INPP4B: variants seen among roughly 807,000 people sequenced by gnomAD.
INPP4B encodes inositol polyphosphate 4-phosphatase type II.
A neutral mutation model predicts 122.5 loss-of-function variants in INPP4B; 55 were observed. That is an observed-to-expected ratio of 0.45 (90% CI 0.36 to 0.56). The LOEUF (loss-of-function observed/expected upper bound fraction) is 0.56. Ranked by LOEUF, INPP4B falls within the 20% of genes least tolerant of loss-of-function variation. The pLI is 0.00. For synonymous variants in INPP4B, 403 were observed against 388.7 expected (o/e 1.04, Z -0.43); for missense variants, 1,000 against 1,097.7 (o/e 0.91, Z 1.26).
intron 7 of INPP4B, among the ~76,000 whole-genome samples, chr4:142,351,089 T>G (rs1781793369): frequency 6.6e-6 from 1 of 152,050 alleles, no homozygotes; most frequent in Non-Finnish European, 1.5e-5. Flanking sequence ...GAAACCAGTT[T>G]GCAATACTTC....
At chr4:142,373,196 T>C (rs1488708457) in intron 7 of INPP4B, among the ~76,000 whole-genome samples, 1 of 152,032 alleles carries the variant, frequency 6.6e-6, no homozygotes, top group African/African-American at 2.4e-5. Flanking sequence ...AATTCTATTT[T>C]TGCATCTTTA....
chr4:142,277,762 C>G (rs745514627), intron 9 of INPP4B, among the ~76,000 whole-genome samples: 3 of 151,140 alleles, frequency 2.0e-5, no homozygotes, highest in Non-Finnish European at 4.4e-5. Context: ...TTTGCAGCAA[C>G]CTGGATGGAA....
chr4:142,251,853 G>C (rs988791348), intron 11 of INPP4B, among the ~76,000 whole-genome samples: 22 of 152,168 alleles, frequency 1.4e-4, no homozygotes, highest in Admixed American at 4.6e-4. Flanking sequence ...TGCTGAAGTT[G>C]TGTATTATTC....
intron 17 of INPP4B, among the ~76,000 whole-genome samples, chr4:142,151,454 A>C (rs1329012575): frequency 2.6e-5 from 4 of 152,156 alleles, no homozygotes; most frequent in Admixed American, 2.6e-4. Flanking sequence ...TTCATCTCCC[A>C]ATAACTACAC....
intron 2 of INPP4B, among the ~76,000 whole-genome samples, chr4:142,667,039 A>G (rs1173515062): frequency 1.3e-5 from 2 of 152,206 alleles, no homozygotes; most frequent in Non-Finnish European, 2.9e-5. Flanking sequence ...AGCCTGGATC[A>G]ATCACTGTGG....
At chr4:142,338,604 G>C (rs1264254789) in intron 7 of INPP4B, among the ~76,000 whole-genome samples, 2 of 152,044 alleles carry the variant, frequency 1.3e-5, no homozygotes, top group African/African-American at 4.8e-5. Flanking sequence ...CCAACTAATG[G>C]GTGAGTTGGC....
intron 2 of INPP4B, among the ~76,000 whole-genome samples, chr4:142,498,001 A>G (rs1300703089): frequency 1.3e-5 from 2 of 152,098 alleles, no homozygotes; most frequent in Non-Finnish European, 2.9e-5. Flanking sequence ...CTGCAGTCAA[A>G]GCATATGTTA....
chr4:142,094,958 C>G (rs1345574492), intron 23 of INPP4B, among the ~76,000 whole-genome samples: 2 of 152,116 alleles, frequency 1.3e-5, no homozygotes, highest in Admixed American at 6.6e-5. Flanking sequence ...AATATGAAAC[C>G]TATAATTTAT....
At position 142,023,174 on chromosome 4, in the gene INPP4B, CATTT is replaced by C. The variant is rs1735998528; in HGVS notation, c.*5604_*5607del. 2 of 151,956 alleles carry C rather than the reference CATTT, an allele frequency of 1.3e-5. No individual in the cohort carries two copies. Among genetic ancestry groups the C allele is most frequent in the African/African-American group, 2.4e-5 (1 of 41,378 alleles). 9.4% of individuals were successfully genotyped at this position (151,956 alleles called of 1,614,324 possible). A position where few individuals can be genotyped will look rare whatever the true frequency, so the allele number is the denominator to read the frequency against. The stretch of plus-strand genomic sequence containing the variant: ...AGACAGAAACATAAAAAATAAAAAT[CATTT>C]ATTTAAACAAAAATATACACACAGT... On this transcript the variant is annotated 3_prime_UTR_variant, in exon 26 of 26. Coordinates refer to ENST00000262992, the MANE Select transcript of INPP4B (RefSeq NM_001101669.3).
intron 11 of INPP4B, among the ~76,000 whole-genome samples, chr4:142,252,583 C>T (rs1347867601): frequency 1.3e-5 from 2 of 152,164 alleles, no homozygotes; most frequent in Admixed American, 6.5e-5. Flanking sequence ...TATATTTTAA[C>T]AGTACTATAT....
At chr4:142,447,684 G>A (rs2149484519) in intron 3 of INPP4B, among the ~76,000 whole-genome samples, 1 of 152,288 alleles carries the variant, frequency 6.6e-6, no homozygotes, top group African/African-American at 2.4e-5. Flanking sequence ...AAAGTCTGGA[G>A]GACCAGGAGT....
At chr4:142,784,095 G>T (rs1348044831) in intron 1 of INPP4B, among the ~76,000 whole-genome samples, 1 of 152,132 alleles carries the variant, frequency 6.6e-6, no homozygotes, top group Non-Finnish European at 1.5e-5. Context: ...AGGCACAGTG[G>T]CTCATGCTTA....
chr4:142,466,434 A>G (rs1817795152), intron 2 of INPP4B, among the ~76,000 whole-genome samples: 1 of 152,234 alleles, frequency 6.6e-6, no homozygotes, highest in Non-Finnish European at 1.5e-5. Context: ...ATTTCTAAGC[A>G]GCAAAGCATT....
intron 2 of INPP4B, among the ~76,000 whole-genome samples, chr4:142,530,300 T>G (rs1024134178): frequency 6.6e-6 from 1 of 152,000 alleles, no homozygotes; most frequent in African/African-American, 2.4e-5. Flanking sequence ...AGAGAATCAA[T>G]TCTCTGTTTT....
At chr4:142,761,465 G>C (rs1439267380) in intron 1 of INPP4B, among the ~76,000 whole-genome samples, 1 of 152,078 alleles carries the variant, frequency 6.6e-6, no homozygotes, top group Non-Finnish European at 1.5e-5. Flanking sequence ...CCAAGATTGA[G>C]AAATGTGTTC....
intron 1 of INPP4B, among the ~76,000 whole-genome samples, chr4:142,819,903 C>G (rs553692755): frequency 2.6e-5 from 4 of 152,160 alleles, no homozygotes; most frequent in African/African-American, 9.6e-5. Flanking sequence ...TCCCTCTTCT[C>G]AGTCCTACAG....
At chr4:142,294,603 G>A (rs1310634280) in intron 9 of INPP4B, among the ~76,000 whole-genome samples, 1 of 151,762 alleles carries the variant, frequency 6.6e-6, no homozygotes, top group Non-Finnish European at 1.5e-5. Context: ...TCTCTTGCTG[G>A]ATGAAATTGA....
At chr4:142,386,891 G>A (rs1162919969) in intron 7 of INPP4B, among the ~76,000 whole-genome samples, 1 of 152,190 alleles carries the variant, frequency 6.6e-6, no homozygotes, top group Non-Finnish European at 1.5e-5. Context: ...GGAGCACTGA[G>A]TGAACAAGCA....
intron 25 of INPP4B, among the ~76,000 whole-genome samples, chr4:142,060,750 C>G (rs1487053162): frequency 6.6e-6 from 1 of 152,076 alleles, no homozygotes; most frequent in African/African-American, 2.4e-5. Context: ...CTACCCTGGC[C>G]AAGGGGTCTC....
Sources: allele counts gnomAD v4.1 joint callset (sites outside exome capture counted in the v4.1 genomes callset), GRCh38; gene constraint gnomAD v4.1.1; transcripts MANE v1.5; gene names NCBI Gene and HGNC (gene_info 2026-07-23, HGNC 2026-07-21).